The following RNF138 variants were observed in gnomAD, a reference collection of about 807,000 sequenced individuals.
RNF138 encodes the protein ring finger protein 138, also known as E3 ubiquitin-protein ligase RNF138.
In RNF138, 12 loss-of-function variants were observed where a neutral mutation model predicts 31.0. The observed-to-expected ratio is 0.39, with a 90% CI of 0.25 to 0.63. RNF138 has a LOEUF of 0.63. Ranked by LOEUF, RNF138 falls within the 20% of genes least tolerant of loss-of-function variation. The pLI is 0.52. For synonymous variants in RNF138, 105 were observed against 99.5 expected, an observed-to-expected ratio of 1.06 and a Z score of -0.33; for missense variants, 192 against 300.1, an observed-to-expected ratio of 0.64 and a Z score of 2.66.
rs780720605 is a variant in RNF138, at chr18:32,126,708, G to A, written c.577G>A (p.Val193Met). ...TTTCTTATAGACATGTCCTATTTGT[G>A]TGTCTCTTCCTTGGGGAGATCCTAG... is the stretch of plus-strand genomic sequence containing the variant. Reference protein sequence around the residue: ...QIVPVTCPICVSLPWGDPSQI... With the variant: ...QIVPVTCPICMSLPWGDPSQI... Residue 193 changes from valine to methionine, a missense_variant, in exon 7 of 8, where the codon GTG becomes ATG. Val to Met is a conservative substitution (Grantham distance 21, BLOSUM62 1). Coordinates refer to ENST00000261593, the MANE Select transcript of RNF138 (RefSeq NM_016271.5). The A allele has an allele frequency of 1.9e-6, 3 of 1,585,832 alleles. No homozygotes were observed. Among genetic ancestry groups the A allele is most frequent in the South Asian group, 2.2e-5 (2 of 89,932 alleles).
chr18:32,106,930 A>G (rs1432089406), intron 2 of RNF138, among the ~76,000 whole-genome samples: 1 of 151,940 alleles, frequency 6.6e-6, no homozygotes, highest in Non-Finnish European at 1.5e-5. Context: ...TTTATTGTAC[A>G]GGTCCTTCAC....
At chr18:32,116,993 C>T (rs59741272) in intron 4 of RNF138, among the ~76,000 whole-genome samples, 4,762 of 152,264 alleles carry the variant, frequency 0.031, 203 homozygotes, top group East Asian at 0.24. Context: ...CATCGACCTC[C>T]CAGGTTCAAG....
intron 5 of RNF138, 148 bp downstream of exon 5, chr18:32,123,722 G>T (rs1598864362): frequency 2.1e-6 from 1 of 481,144 alleles, no homozygotes; most frequent in South Asian, 3.1e-5. Flanking sequence ...GTGCGATCTT[G>T]GCTCACTGCA....
chr18:32,107,349 C>CCTG (rs10647693), intron 2 of RNF138, among the ~76,000 whole-genome samples: 99,075 of 150,834 alleles, frequency 0.66, 32,754 homozygotes, highest in East Asian at 0.74. Context: ...GTCTCGAACT[C>CCTG]AGCTCAGGCA....
intron 7 of RNF138, among the ~76,000 whole-genome samples, chr18:32,127,594 A>G (rs2144298076): frequency 6.6e-6 from 1 of 152,302 alleles, no homozygotes; most frequent in Middle Eastern, 3.4e-3. Context: ...TATTTAGCCA[A>G]TTTCAAAATA....
At chr18:32,109,421 T>G (rs2144592093) in intron 2 of RNF138, 1 of 152,394 alleles carries the variant, frequency 6.6e-6, no homozygotes, top group South Asian at 2.1e-4. Context: ...TGTGAGCCAC[T>G]GTGCCTGGCC....
intron 4 of RNF138, among the ~76,000 whole-genome samples, chr18:32,122,914 C>T (rs1005036317): frequency 1.3e-5 from 2 of 152,204 alleles, no homozygotes; most frequent in Admixed American, 6.5e-5. Flanking sequence ...GGAATACTTA[C>T]TCTTCCCTCA....
At chr18:32,119,600 T>C (rs2040271760) in intron 4 of RNF138, among the ~76,000 whole-genome samples, 1 of 152,042 alleles carries the variant, frequency 6.6e-6, no homozygotes, top group South Asian at 2.1e-4. Context: ...ATTTTTGTAT[T>C]TTTGGTAGAG....
intron 4 of RNF138, among the ~76,000 whole-genome samples, chr18:32,116,564 T>C (rs2040219748): frequency 6.6e-6 from 1 of 151,964 alleles, no homozygotes; most frequent in South Asian, 2.1e-4. Flanking sequence ...TGTTCTGTTT[T>C]GTTTTTAGAC....
At chr18:32,104,321 T>A (rs1160679716) in intron 2 of RNF138, among the ~76,000 whole-genome samples, 8 of 148,102 alleles carry the variant, frequency 5.4e-5, no homozygotes, top group Admixed American at 2.0e-4. Context: ...CCTAAAAGTT[T>A]AAAAAAAAAA....
chr18:32,110,819 C>T (rs886976036), intron 2 of RNF138, among the ~76,000 whole-genome samples: 6 of 150,800 alleles, frequency 4.0e-5, no homozygotes, highest in Middle Eastern at 3.5e-3. Flanking sequence ...CTTGCTCTGT[C>T]GCCCAGGCTG....
At chr18:32,094,513 C>A (rs1297811357) in intron 2 of RNF138, among the ~76,000 whole-genome samples, 1 of 151,858 alleles carries the variant, frequency 6.6e-6, no homozygotes, top group Non-Finnish European at 1.5e-5. Context: ...GATCCTTTTG[C>A]GGTTCATAGT....
At chr18:32,097,743 G>A (rs113539215) in intron 2 of RNF138, among the ~76,000 whole-genome samples, 4,381 of 151,884 alleles carry the variant, frequency 0.029, 220 homozygotes, top group African/African-American at 0.1. Flanking sequence ...GGCTGGTCTC[G>A]AACCCCTGCG....
At chr18:32,125,025 G>T (rs2040362343) in intron 6 of RNF138, 180 bp downstream of exon 6, 1 of 536,036 alleles carries the variant, frequency 1.9e-6, no homozygotes, top group Non-Finnish European at 3.4e-6. Flanking sequence ...ATTTAAAATT[G>T]CAGTAACTCT....
In RNF138 at chr18:32,104,287, A is replaced by C. The variant is rs533723417; in HGVS notation, c.111-7467A>C. 3.3e-5 allele frequency among the ~76,000 whole-genome samples: 5 copies of C among 152,188 alleles called. No homozygotes were observed. In the South Asian group the frequency reaches 1.0e-3, roughly 32 times the overall value. On this transcript the variant is annotated intron_variant, in intron 2 of 7. Transcript: ENST00000261593. ...TTCGGCGTCCCAAAGGGCTGAGATT[A>C]CATGCATAAGCCACCAGACCTGGCC...
At chr18:32,123,432 C>T (rs919856946) in intron 4 of RNF138, 86 bp from the exon 5 acceptor site, 2 of 842,162 alleles carry the variant, frequency 2.4e-6, no homozygotes, top group Non-Finnish European at 3.6e-6. Context: ...TCAGACTAGT[C>T]TTCTTCATTA....
Position 32,111,869 on chromosome 18 carries a change from G to C in RNF138, c.226G>C (p.Glu76Gln), listed in dbSNP as rs761336148. 43 of 1,613,524 alleles carry C rather than the reference G, an allele frequency of 2.7e-5. No individual in the cohort carries two copies. In the South Asian group the frequency reaches 4.4e-4, roughly 17 times the overall value. Residue 76 changes from glutamate (E) to glutamine (Q), a missense_variant, in exon 3 of 8, where the codon GAA becomes CAA. Around this residue, in one of 2 missense-constraint regions of RNF138, gnomAD observed 140 missense variants for 251.7 expected, o/e 0.56. Transcript: ENST00000261593. ...RACPERALDL[E>Q]NIMRKFSGSC... ...ATGTCCTGAACGGGCCTTAGACCTT[G>C]AAAATATAATGAGGAAGTTTTCTGG...
At chr18:32,124,875 G>A in intron 6 of RNF138, 30 bp downstream of exon 6, 1 of 1,066,236 alleles carries the variant, frequency 9.4e-7, no homozygotes, top group Non-Finnish European at 1.5e-6. Context: ...ACAGTCTTCT[G>A]CTTAGAATAA....
chr18:32,120,730 C>T (rs753439945), intron 4 of RNF138, among the ~76,000 whole-genome samples: 7 of 152,058 alleles, frequency 4.6e-5, no homozygotes, highest in Non-Finnish European at 7.4e-5. Flanking sequence ...GAAGGGAGAA[C>T]GTGTTTAAAA....
Sources: allele counts gnomAD v4.1 joint callset (sites outside exome capture counted in the v4.1 genomes callset), GRCh38; gene constraint gnomAD v4.1.1; regional missense constraint gnomAD v4.1.1; transcripts MANE v1.5; gene names NCBI Gene and HGNC (gene_info 2026-07-23, HGNC 2026-07-21).